CACNB4: variants seen among roughly 807,000 people sequenced by gnomAD.
The protein encoded by CACNB4 is voltage-dependent L-type calcium channel subunit beta-4.
In CACNB4, 32 loss-of-function variants were observed where a neutral mutation model predicts 71.2. The observed-to-expected ratio is 0.45, with a 90% CI of 0.34 to 0.60. The LOEUF (loss-of-function observed/expected upper bound fraction) is 0.60, where lower values mean the gene tolerates loss of function less well. Ranked by LOEUF, CACNB4 falls within the 20% of genes least tolerant of loss-of-function variation. The probability of loss-of-function intolerance (pLI) is 0.01; values close to 1 mark genes in which losing one functional copy is unlikely to be tolerated. For missense variants in CACNB4, 464 were observed against 647.9 expected (o/e 0.72, Z 3.08); for synonymous variants, 231 against 236.9 (o/e 0.97, Z 0.23).
At chr2:151,974,055 G>T in intron 2 of CACNB4, 1 of 886,278 alleles carries the variant, frequency 1.1e-6, no homozygotes, top group Non-Finnish European at 1.4e-6. Context: ...GGAGAGTGGA[G>T]GGCGCCTCGG....
chr2:152,044,755 CT>C (rs1685063875), intron 2 of CACNB4, among the ~76,000 whole-genome samples: 1 of 152,184 alleles, frequency 6.6e-6, no homozygotes, highest in Non-Finnish European at 1.5e-5. Flanking sequence ...CTTTGCCATC[CT>C]TTCATGAGCC....
chr2:151,971,957 G>A (rs2099872659), intron 2 of CACNB4: 2 of 282,344 alleles, frequency 7.1e-6, no homozygotes, highest in East Asian at 8.2e-5. Context: ...GTACAGCACT[G>A]CAGTACCTAG....
intron 2 of CACNB4, among the ~76,000 whole-genome samples, chr2:152,005,559 T>C (rs1248237060): frequency 3.3e-5 from 5 of 152,112 alleles, no homozygotes; most frequent in African/African-American, 1.2e-4. Context: ...TCCTATTGGG[T>C]ACTATGTTCA....
chr2:151,965,596 A>G (rs1425780992), intron 2 of CACNB4, among the ~76,000 whole-genome samples: 1 of 152,242 alleles, frequency 6.6e-6, no homozygotes, highest in Admixed American at 6.5e-5. Context: ...ATAATTTAAA[A>G]TATTTTTATA....
chr2:151,876,542 A>G lies in CACNB4; in HGVS notation c.405T>C (p.Asp135=). Residue 135 remains aspartate (D), a synonymous_variant, in exon 5 of 14, where the codon GAT becomes GAC. Transcript: ENST00000539935. ...CTTTCACCAGCCTTCCTATCCACCAATCATTGTTATATTTCTGGAATTCAG... is the reference window on the plus strand; with the variant it reads ...CTTTCACCAGCCTTCCTATCCACCAGTCATTGTTATATTTCTGGAATTCAG... ...FLHIKEKYNN[D]WWIGRLVKEG... 1 of 1,598,012 alleles carries G rather than the reference A, an allele frequency of 6.3e-7. No individual in the cohort carries two copies. The highest frequency in any genetic ancestry group is 1.3e-5 in the African/African-American group (1 of 74,688).
chr2:151,850,619 G>A (rs960937103), intron 12 of CACNB4: 8 of 152,172 alleles, frequency 5.3e-5, no homozygotes, highest in Non-Finnish European at 1.2e-4. Context: ...ATTGGACTAA[G>A]TCTTTCCCTA....
At chr2:152,042,933 G>A (rs540058730) in intron 2 of CACNB4, among the ~76,000 whole-genome samples, 4 of 152,278 alleles carry the variant, frequency 2.6e-5, no homozygotes, top group African/African-American at 7.2e-5. Context: ...GGAGAGGAGC[G>A]TGACCTCTGC....
At chr2:151,996,900 A>C (rs1345875144) in intron 2 of CACNB4, among the ~76,000 whole-genome samples, 1 of 151,102 alleles carries the variant, frequency 6.6e-6, no homozygotes, top group Non-Finnish European at 1.5e-5. Context: ...CCTGCTTTCA[A>C]ACTGGCAGCT....
intron 2 of CACNB4, among the ~76,000 whole-genome samples, chr2:151,921,248 T>C (rs1048865147): frequency 2.0e-5 from 3 of 151,728 alleles, no homozygotes; most frequent in Non-Finnish European, 2.9e-5. Flanking sequence ...CATTATCCCA[T>C]GAAAACAAGG....
intron 9 of CACNB4, among the ~76,000 whole-genome samples, chr2:151,863,997 T>C (rs1397852292): frequency 3.3e-5 from 5 of 152,246 alleles, no homozygotes; most frequent in South Asian, 2.1e-4. Flanking sequence ...AATTCTTTTT[T>C]ATAAAAGGCT....
At chr2:152,067,393 G>C (rs550315065) in intron 2 of CACNB4, among the ~76,000 whole-genome samples, 85 of 146,930 alleles carry the variant, frequency 5.8e-4, no homozygotes, top group Non-Finnish European at 1.0e-3. Context: ...GTGTGTGGGG[G>C]GGGGGGTGCC....
intron 2 of CACNB4, among the ~76,000 whole-genome samples, chr2:151,936,915 C>A (rs1419382118): frequency 6.6e-6 from 1 of 152,224 alleles, no homozygotes; most frequent in Non-Finnish European, 1.5e-5. Flanking sequence ...GCTCTCTGGG[C>A]TCTCAAAGCA....
At chr2:151,957,003 G>A (rs1197779966) in intron 2 of CACNB4, among the ~76,000 whole-genome samples, 5 of 152,016 alleles carry the variant, frequency 3.3e-5, no homozygotes, top group Admixed American at 6.6e-5. Flanking sequence ...AAAATTAGCC[G>A]TTAGCTGGGC....
At position 152,046,591 on chromosome 2, in the gene CACNB4, T is replaced by C. The variant is rs77262889; in HGVS notation, c.147+51739A>G. Among the ~76,000 whole-genome samples, 28 of 152,318 alleles carry C rather than the reference T, an allele frequency of 1.8e-4. No homozygotes were observed. The East Asian group carries it at 5.4e-3, about 29-fold the overall frequency. ...CCGTGACTACTCACAGAGTTCTATC[T>C]ATTCAGCACTACACTTTGACCACTG... On this transcript the variant is annotated intron_variant, in intron 2 of 13. Coordinates refer to ENST00000539935, the MANE Select transcript of CACNB4 (RefSeq NM_000726.5).
chr2:151,965,368 G>T, intron 2 of CACNB4, among the ~76,000 whole-genome samples: 1 of 152,086 alleles, frequency 6.6e-6, no homozygotes, highest in Non-Finnish European at 1.5e-5. Flanking sequence ...AACTTAACCA[G>T]GTGAGGCACA....
intron 2 of CACNB4, among the ~76,000 whole-genome samples, chr2:151,931,036 C>A (rs2099861518): frequency 6.6e-6 from 1 of 152,134 alleles, no homozygotes; most frequent in Non-Finnish European, 1.5e-5. Context: ...TTTTAAAAAG[C>A]AGAAAACACA....
intron 2 of CACNB4, among the ~76,000 whole-genome samples, chr2:151,981,080 A>AC (rs34280731): frequency 0.75 from 113,945 of 152,106 alleles, 42,883 homozygotes; most frequent in East Asian, 0.93. Context: ...AACTTCTCCA[A>AC]CCCCTCAGAC....
chr2:152,052,931 G>A (rs1035875672), intron 2 of CACNB4, among the ~76,000 whole-genome samples: 16 of 151,748 alleles, frequency 1.1e-4, no homozygotes, highest in Non-Finnish European at 1.5e-4. Context: ...GCAGTGAGCC[G>A]AGATCACGCC....
chr2:152,051,015 C>T (rs1685400108), intron 2 of CACNB4, among the ~76,000 whole-genome samples: 2 of 151,996 alleles, frequency 1.3e-5, no homozygotes, highest in Non-Finnish European at 2.9e-5. Context: ...GTGATCTGCG[C>T]ACCTCGGCCT....
Sources: allele counts gnomAD v4.1 joint callset (sites outside exome capture counted in the v4.1 genomes callset), GRCh38; gene constraint gnomAD v4.1.1; transcripts MANE v1.5; gene names NCBI Gene and HGNC (gene_info 2026-07-23, HGNC 2026-07-21).